Variants in MLIP observed in about 807,000 individuals in gnomAD.
The protein encoded by MLIP is muscular LMNA interacting protein, also known as muscular LMNA-interacting protein.
In MLIP, 79 loss-of-function variants were observed where a neutral mutation model predicts 84.8. The ratio of observed to expected loss-of-function variants is 0.93; its 90% CI spans 0.78 to 1.12. The LOEUF is 1.12. MLIP is among the 50% of genes most tolerant of loss of function. MLIP has a pLI of 0.00. For missense variants in MLIP, 1,257 were observed against 1,160.6 expected (o/e 1.08, Z -1.21); for synonymous variants, 504 against 463.0 (o/e 1.09, Z -1.14).
chr6:54,244,972 T>A (rs1468152526), intron 12 of MLIP, among the ~76,000 whole-genome samples: 1 of 152,184 alleles, frequency 6.6e-6, no homozygotes, highest in Non-Finnish European at 1.5e-5. Context: ...AGTTTTATAC[T>A]TTGAGAAACA....
At chr6:54,263,005 G>A (rs150373522) in intron 13 of MLIP, among the ~76,000 whole-genome samples, 31 of 152,056 alleles carry the variant, frequency 2.0e-4, no homozygotes, top group East Asian at 7.8e-4. Context: ...AGAAGTGGGC[G>A]TTTGACAATT....
upstream of MLIP, among the ~76,000 whole-genome samples, chr6:54,107,391 G>T (rs1000980834): frequency 6.6e-6 from 1 of 152,110 alleles, no homozygotes; most frequent in Non-Finnish European, 1.5e-5. Flanking sequence ...TTCACATATT[G>T]TTGATGAGAT....
At position 54,191,478 on chromosome 6, in the gene MLIP, G is replaced by A. The variant is rs1582456458; in HGVS notation, c.2589+1564G>A. ...GGTTTAGAACAGTGTGTGTGTGGGG[G>A]GGCAATATAGTATAGTTGAAAGAAT... is the stretch of plus-strand genomic sequence containing the variant. On this transcript the variant is annotated intron_variant, in intron 10 of 13. Coordinates refer to ENST00000502396, the MANE Select transcript of MLIP (RefSeq NM_001281747.2). 2.0e-5 allele frequency among the ~76,000 whole-genome samples: 3 copies of A among 152,218 alleles called. No individual in the cohort carries two copies. In the South Asian group the frequency reaches 6.2e-4, roughly 32 times the overall value.
At chr6:54,264,200 A>G (rs943418001) in intron 13 of MLIP, among the ~76,000 whole-genome samples, 26 of 152,156 alleles carry the variant, frequency 1.7e-4, no homozygotes, top group African/African-American at 5.8e-4. Flanking sequence ...AATGATTCCT[A>G]TTATAATAAA....
Position 54,202,233 on chromosome 6 carries a change from G to T in MLIP, c.2718G>T (p.Gln906His), listed in dbSNP as rs1351754534. 6.6e-7 allele frequency: 1 copy of T among 1,508,466 alleles called. No homozygotes were observed. The highest frequency in any genetic ancestry group is 8.9e-7 in the Non-Finnish European group (1 of 1,128,920). 93.4% of individuals were successfully genotyped at this position (1,508,466 alleles called of 1,614,324 possible). A position where few individuals can be genotyped will look rare whatever the true frequency, so the allele number is the denominator to read the frequency against. ...ATAACAGCGACCTCTTTTCTGAACA[G>T]GTGAGCACATACAAGAGAAAATGTT... Reference protein sequence around the residue: ...LEDNSDLFSEQDVTVPPKPVS... With the variant: ...LEDNSDLFSEHDVTVPPKPVS... The change falls in exon 11 of 14, where the codon CAG (glutamine) becomes CAT (histidine). Residue 906 changes from glutamine to histidine, a missense_variant and splice_region_variant. By Grantham distance (24) the Gln-to-His change is conservative. Coordinates refer to ENST00000502396, the MANE Select transcript of MLIP (RefSeq NM_001281747.2).
intron 9 of MLIP, among the ~76,000 whole-genome samples, chr6:54,173,018 A>G (rs897267967): frequency 1.3e-5 from 2 of 151,822 alleles, no homozygotes; most frequent in African/African-American, 4.8e-5. Flanking sequence ...TTAATTTATC[A>G]TTAATATTTC....
At chr6:54,108,147 T>C (rs1014234832), upstream of MLIP, among the ~76,000 whole-genome samples, 5 of 152,214 alleles carry the variant, frequency 3.3e-5, no homozygotes, top group African/African-American at 1.2e-4. Context: ...AAGAGAATTT[T>C]GGATTGTATT....
intron 2 of MLIP, 69 bp from the exon 3 acceptor site, chr6:54,124,404 T>G (rs9474741): frequency 2.1e-6 from 3 of 1,412,718 alleles, no homozygotes; most frequent in Admixed American, 4.6e-5. Context: ...AGCTTTTCAG[T>G]GTACATGCCA....
chr6:54,135,170 A>G (rs767278186), intron 3 of MLIP, among the ~76,000 whole-genome samples: 3 of 152,160 alleles, frequency 2.0e-5, no homozygotes, highest in Non-Finnish European at 2.9e-5. Context: ...CAAATGCATC[A>G]GTTACATAAA....
At chr6:54,098,659 T>C (rs1768408558) in intron 1 of MLIP, among the ~76,000 whole-genome samples, 1 of 152,058 alleles carries the variant, frequency 6.6e-6, no homozygotes, top group South Asian at 2.1e-4. Context: ...CTTTAGAGTG[T>C]TGAAAGAGGA....
chr6:54,093,651 A>G (rs912755803), intron 1 of MLIP, among the ~76,000 whole-genome samples: 11 of 152,178 alleles, frequency 7.2e-5, no homozygotes, highest in Non-Finnish European at 1.5e-5. Context: ...GCTAGTCCAG[A>G]AAGCACTTTC....
At chr6:54,239,351 T>A (rs976547933) in intron 12 of MLIP, among the ~76,000 whole-genome samples, 3 of 147,252 alleles carry the variant, frequency 2.0e-5, no homozygotes, top group African/African-American at 7.4e-5. Context: ...TCTGGGCCAT[T>A]TAAACATATA....
chr6:54,025,437 G>T (rs1342889612), intron 1 of MLIP, among the ~76,000 whole-genome samples: 1 of 152,178 alleles, frequency 6.6e-6, no homozygotes, highest in Non-Finnish European at 1.5e-5. Flanking sequence ...CTGGCGGTAA[G>T]GTACTGGATG....
At chr6:54,052,686 A>T (rs1033310151) in intron 1 of MLIP, among the ~76,000 whole-genome samples, 1 of 152,140 alleles carries the variant, frequency 6.6e-6, no homozygotes, top group African/African-American at 2.4e-5. Flanking sequence ...GTTTTTTTGG[A>T]GATAAATTAT....
At chr6:54,052,410 T>G (rs753676839) in intron 1 of MLIP, among the ~76,000 whole-genome samples, 3 of 152,202 alleles carry the variant, frequency 2.0e-5, no homozygotes, top group Non-Finnish European at 4.4e-5. Context: ...GCCTGAATTG[T>G]TTCTGCAATT....
intron 11 of MLIP, among the ~76,000 whole-genome samples, chr6:54,209,915 A>G (rs1392491981): frequency 1.4e-5 from 2 of 142,828 alleles, no homozygotes; most frequent in African/African-American, 5.4e-5. Flanking sequence ...TTTTTTTTTT[A>G]CAATAAGGCT....
At chr6:54,221,546 T>C (rs993966701) in intron 11 of MLIP, among the ~76,000 whole-genome samples, 2 of 75,142 alleles carry the variant, frequency 2.7e-5, no homozygotes, top group Admixed American at 1.4e-4. Flanking sequence ...TAAGACCCCC[T>C]TATAATGCTA....
At chr6:54,086,907 C>T (rs969699883) in intron 1 of MLIP, among the ~76,000 whole-genome samples, 1 of 152,212 alleles carries the variant, frequency 6.6e-6, no homozygotes, top group Admixed American at 6.5e-5. Flanking sequence ...CTCTCACCTC[C>T]ATCTTCTGCT....
intron 1 of MLIP, among the ~76,000 whole-genome samples, chr6:54,054,720 G>GGC (rs1561896154): frequency 6.6e-6 from 1 of 152,090 alleles, no homozygotes; most frequent in Non-Finnish European, 1.5e-5. Flanking sequence ...CATTTTCTCT[G>GGC]GCAGCTTCCC....
Sources: gnomAD v4.1 joint callset for allele counts (sites outside exome capture counted in the v4.1 genomes callset) on GRCh38, gnomAD v4.1.1 for gene constraint, MANE v1.5 for transcripts, NCBI Gene and HGNC (gene_info 2026-07-23, HGNC 2026-07-21) for gene names.